Variants in ZNF385D observed in about 807,000 individuals in gnomAD.
ZNF385D encodes zinc finger protein 659.
ZNF385D carries 15 observed loss-of-function variants against 35.8 expected under a neutral mutation model. That is an observed-to-expected ratio of 0.42 (90% CI 0.28 to 0.64). The LOEUF is 0.64. Among genes scored for constraint, ZNF385D ranks in the 30% least tolerant of loss-of-function variants. The pLI is 0.23. For missense variants in ZNF385D, 474 were observed against 494.6 expected (o/e 0.96, Z 0.39); for synonymous variants, 212 against 186.8 (o/e 1.13, Z -1.10).
At chr3:21,450,990 T>C (rs1702422751) in intron 4 of ZNF385D, among the ~76,000 whole-genome samples, 1 of 152,180 alleles carries the variant, frequency 6.6e-6, no homozygotes, top group African/African-American at 2.4e-5. Context: ...ATTATTTGTA[T>C]TTGCTTATTA....
intron 3 of ZNF385D, among the ~76,000 whole-genome samples, chr3:22,040,364 TA>T (rs1332464044): frequency 1.3e-5 from 2 of 152,172 alleles, no homozygotes; most frequent in African/African-American, 2.4e-5. Flanking sequence ...ATTTTATAGA[TA>T]AGGGAACTTA....
chr3:21,442,886 AGTGTGTGTGTGT>A (rs4045435), intron 4 of ZNF385D, among the ~76,000 whole-genome samples: 4 of 147,258 alleles, frequency 2.7e-5, no homozygotes, highest in South Asian at 2.2e-4. Context: ...TCTGTGTATA[AGTGTGTGTGTGT>A]GTGTGTGTGT....
At chr3:22,276,394 A>G (rs1701429167) in intron 2 of ZNF385D, among the ~76,000 whole-genome samples, 3 of 152,092 alleles carry the variant, frequency 2.0e-5, no homozygotes, top group South Asian at 2.1e-4. Context: ...TAGCATAGTG[A>G]TCTCATGAAG....
At chr3:22,088,336 A>T (rs1379561737) in intron 3 of ZNF385D, among the ~76,000 whole-genome samples, 1 of 152,192 alleles carries the variant, frequency 6.6e-6, no homozygotes, top group African/African-American at 2.4e-5. Flanking sequence ...CTCTTCATAG[A>T]TAGCTTCAGA....
chr3:22,118,760 G>T (rs1288925930), intron 3 of ZNF385D, among the ~76,000 whole-genome samples: 2 of 152,074 alleles, frequency 1.3e-5, no homozygotes, highest in Non-Finnish European at 2.9e-5. Flanking sequence ...AACAGTCATA[G>T]TTCTGGGTTT....
At chr3:22,181,310 T>G (rs1695253468) in intron 2 of ZNF385D, among the ~76,000 whole-genome samples, 1 of 152,154 alleles carries the variant, frequency 6.6e-6, no homozygotes, top group South Asian at 2.1e-4. Context: ...TACTCTAGGA[T>G]GGCCCCTCTA....
chr3:21,989,980 T>A (rs2125392945), intron 3 of ZNF385D, among the ~76,000 whole-genome samples: 1 of 152,308 alleles, frequency 6.6e-6, no homozygotes, highest in African/African-American at 2.4e-5. Context: ...ACACAACAAT[T>A]TCCACCTATC....
At chr3:21,761,168 G>C (rs1370107690) in intron 3 of ZNF385D, among the ~76,000 whole-genome samples, 1 of 152,098 alleles carries the variant, frequency 6.6e-6, no homozygotes, top group African/African-American at 2.4e-5. Context: ...ACCTTGGAAG[G>C]GGATTCTTCA....
At chr3:21,674,327 A>G (rs1228786376) in intron 1 of ZNF385D, among the ~76,000 whole-genome samples, 1 of 152,088 alleles carries the variant, frequency 6.6e-6, no homozygotes, top group Non-Finnish European at 1.5e-5. Context: ...ATGGAGACCA[A>G]TGGAGACAAT....
At chr3:21,495,879 C>T (rs182187188) in intron 4 of ZNF385D, among the ~76,000 whole-genome samples, 110 of 152,076 alleles carry the variant, frequency 7.2e-4, no homozygotes, top group African/African-American at 2.5e-3. Flanking sequence ...ACTACTGACC[C>T]CACAGAAATA....
chr3:21,787,968 A>AAAAAAAAAAAAAC (rs2071768508), intron 3 of ZNF385D, among the ~76,000 whole-genome samples: 1 of 79,848 alleles, frequency 1.3e-5, no homozygotes, highest in Admixed American at 1.3e-4. Context: ...AAAAAAAAAA[A>AAAAAAAAAAAAAC]AAAAAAAAAA....
chr3:21,906,862 A>G (rs1038252947), intron 3 of ZNF385D, among the ~76,000 whole-genome samples: 1 of 152,174 alleles, frequency 6.6e-6, no homozygotes, highest in South Asian at 2.1e-4. Context: ...CACAGTCTTC[A>G]GTCTTTAGCT....
intron 2 of ZNF385D, among the ~76,000 whole-genome samples, chr3:22,190,117 C>A (rs1695915943): frequency 6.6e-6 from 1 of 152,100 alleles, no homozygotes; most frequent in Non-Finnish European, 1.5e-5. Flanking sequence ...TAAGTGTTGC[C>A]ATCACAGTTT....
At chr3:21,760,699 C>T (rs1045372285) in intron 3 of ZNF385D, among the ~76,000 whole-genome samples, 1 of 152,150 alleles carries the variant, frequency 6.6e-6, no homozygotes, top group African/African-American at 2.4e-5. Context: ...GCAGTACTGA[C>T]TAAATATAGA....
At chr3:21,939,051 A>G (rs2125268269) in intron 3 of ZNF385D, among the ~76,000 whole-genome samples, 1 of 152,244 alleles carries the variant, frequency 6.6e-6, no homozygotes, top group South Asian at 2.1e-4. Context: ...CAGGTTTCTC[A>G]CTAAACTAAT....
chr3:21,974,979 T>C (rs573996338), intron 3 of ZNF385D, among the ~76,000 whole-genome samples: 1 of 152,134 alleles, frequency 6.6e-6, no homozygotes, highest in Non-Finnish European at 1.5e-5. Context: ...GAAATGAAAT[T>C]AGTACAACCA....
chr3:22,143,059 TTGTGTG>T (rs57448532), intron 3 of ZNF385D, among the ~76,000 whole-genome samples: 1,830 of 140,958 alleles, frequency 0.013, 24 homozygotes, highest in African/African-American at 0.034. Flanking sequence ...ATTAAATCGG[TTGTGTG>T]TGTGTGTGTG....
intron 2 of ZNF385D, among the ~76,000 whole-genome samples, chr3:22,235,422 A>T (rs1699123484): frequency 6.6e-6 from 1 of 152,114 alleles, no homozygotes; most frequent in African/African-American, 2.4e-5. Context: ...TTTTAACAGG[A>T]CGAAACACTC....
intron 3 of ZNF385D, among the ~76,000 whole-genome samples, chr3:21,818,831 A>C (rs2073272544): frequency 6.6e-6 from 1 of 152,002 alleles, no homozygotes; most frequent in African/African-American, 2.4e-5. Context: ...ACATCATTTC[A>C]GGTTGAAGAA....
Sources: allele counts gnomAD v4.1 joint callset (sites outside exome capture counted in the v4.1 genomes callset), GRCh38; gene constraint gnomAD v4.1.1; transcripts MANE v1.5; gene names NCBI Gene and HGNC (gene_info 2026-07-23, HGNC 2026-07-21).